The following RUNDC3B variants were observed in gnomAD, a reference collection of about 807,000 sequenced individuals.
RUNDC3B encodes the protein RUN domain-containing protein 3B.
Under a neutral mutation model 58.4 loss-of-function variants are expected in RUNDC3B, and 33 were observed. The observed-to-expected ratio is 0.56, with a 90% confidence interval of 0.43 to 0.75. The LOEUF (loss-of-function observed/expected upper bound fraction) is 0.75, where lower values mean the gene tolerates loss of function less well. RUNDC3B is among the 30% of genes least tolerant of loss of function. RUNDC3B has a pLI of 0.00. For missense variants in RUNDC3B, 501 were observed against 535.7 expected, an observed-to-expected ratio of 0.94 and a Z score of 0.64; for synonymous variants, 193 against 195.2, an observed-to-expected ratio of 0.99 and a Z score of 0.10.
chr7:87,777,654 AT>A, intron 7 of RUNDC3B, 143 bp from the exon 8 acceptor site: 2 of 592,400 alleles, frequency 3.4e-6, no homozygotes, highest in East Asian at 6.3e-5. Context: ...ATTAAGACAA[AT>A]TTTTTACTAA....
In RUNDC3B at chr7:87,745,569, A is replaced by T. The variant is rs1287090605; in HGVS notation, c.629+3990A>T. On this transcript the variant is annotated intron_variant, in intron 6 of 10. Transcript: ENST00000394654. ...GTTGTATTTTTCCATGAATTTATCCATCTCATCTAGGTTTTCTAGTTTATA... is the reference window on the plus strand; with the variant it reads ...GTTGTATTTTTCCATGAATTTATCCTTCTCATCTAGGTTTTCTAGTTTATA... Among the ~76,000 whole-genome samples the T allele has an allele frequency of 5.9e-5, 9 of 152,266 alleles. No individual in the cohort carries two copies. The South Asian group carries it at 1.9e-3, about 32-fold the overall frequency.
intron 6 of RUNDC3B, among the ~76,000 whole-genome samples, chr7:87,768,909 C>T (rs1201937103): frequency 1.3e-5 from 2 of 151,724 alleles, no homozygotes; most frequent in East Asian, 3.9e-4. Flanking sequence ...GTTGAATGAA[C>T]TCTTTTTTTT....
chr7:87,825,339 C>T (rs998797201), intron 10 of RUNDC3B, among the ~76,000 whole-genome samples: 2 of 152,176 alleles, frequency 1.3e-5, no homozygotes, highest in Non-Finnish European at 2.9e-5. Flanking sequence ...AATGTCTAAG[C>T]CCCAAGCCTT....
intron 9 of RUNDC3B, 61 bp downstream of exon 9, chr7:87,807,580 A>G (rs1408466814): frequency 4.9e-6 from 6 of 1,231,686 alleles, no homozygotes; most frequent in East Asian, 4.7e-5. Flanking sequence ...ACATATGGCT[A>G]TCTACTTTGG....
At chr7:87,731,221 T>A (rs1452034784) in intron 4 of RUNDC3B, among the ~76,000 whole-genome samples, 1 of 151,814 alleles carries the variant, frequency 6.6e-6, no homozygotes, top group Non-Finnish European at 1.5e-5. Flanking sequence ...GAAAATATGA[T>A]CTCACCGAAT....
rs370524690 is a variant in RUNDC3B at position 87,690,934 on chromosome 7, C to CAG, written c.239-9473_239-9472dup. Among the ~76,000 whole-genome samples, 19 of 150,138 alleles carry CAG rather than the reference C, an allele frequency of 1.3e-4. 1 individual carries two copies. The highest frequency in any genetic ancestry group is 4.4e-4 in the African/African-American group (18 of 41,004). ...ACTTTATTAGAAAAAAATATATATG[C>CAG]AGAGAGAGAGAGAGAAAATAGAATA... On this transcript the variant is annotated intron_variant, in intron 2 of 10. Coordinates refer to ENST00000394654, the MANE Select transcript of RUNDC3B (RefSeq NM_001134405.2).
At chr7:87,693,627 G>A (rs1179140926) in intron 2 of RUNDC3B, among the ~76,000 whole-genome samples, 1 of 151,980 alleles carries the variant, frequency 6.6e-6, no homozygotes, top group African/African-American at 2.4e-5. Context: ...GAATGATGGA[G>A]GTAAAAGTAA....
chr7:87,778,477 C>T (rs1281846883), intron 8 of RUNDC3B, among the ~76,000 whole-genome samples: 1 of 149,906 alleles, frequency 6.7e-6, no homozygotes, highest in Non-Finnish European at 1.5e-5. Context: ...TAAGAAAATA[C>T]AAGAAGAGAA....
intron 6 of RUNDC3B, among the ~76,000 whole-genome samples, chr7:87,767,392 T>C (rs1834029529): frequency 6.6e-6 from 1 of 152,238 alleles, no homozygotes. Flanking sequence ...GTATATTGTC[T>C]AAGATCATTT....
intron 2 of RUNDC3B, among the ~76,000 whole-genome samples, chr7:87,652,995 C>A (rs1290792788): frequency 1.3e-5 from 2 of 151,996 alleles, no homozygotes; most frequent in Non-Finnish European, 2.9e-5. Context: ...CTCCCCCAGA[C>A]ACAGTATAGG....
At chr7:87,759,162 T>G (rs1833540843) in intron 6 of RUNDC3B, among the ~76,000 whole-genome samples, 1 of 152,146 alleles carries the variant, frequency 6.6e-6, no homozygotes, top group African/African-American at 2.4e-5. Context: ...ACAAAAAGAA[T>G]GAAATCCTGT....
intron 4 of RUNDC3B, among the ~76,000 whole-genome samples, chr7:87,716,044 A>C (rs1830536795): frequency 6.6e-6 from 1 of 152,160 alleles, no homozygotes; most frequent in Admixed American, 6.6e-5. Flanking sequence ...TACTTGCTAG[A>C]AGTGCCAAAA....
chr7:87,684,707 C>T (rs1420347434), intron 2 of RUNDC3B, among the ~76,000 whole-genome samples: 3 of 137,416 alleles, frequency 2.2e-5, no homozygotes, highest in Non-Finnish European at 4.5e-5. Context: ...GAGATCGTGC[C>T]ACTGCACTCC....
At position 87,741,487 on chromosome 7, in the gene RUNDC3B, C is replaced by A. The variant is rs1469142198; in HGVS notation, c.549-12C>A. 2 of 1,397,684 alleles carry A rather than the reference C, an allele frequency of 1.4e-6. No individual in the cohort carries two copies. Among genetic ancestry groups the A allele is most frequent in the South Asian group, 1.4e-5 (1 of 71,522 alleles). 86.6% of individuals were successfully genotyped at this position (1,397,684 alleles called of 1,614,324 possible). A position where few individuals can be genotyped will look rare whatever the true frequency, so the allele number is the denominator to read the frequency against. On this transcript the variant is annotated splice_polypyrimidine_tract_variant and intron_variant, in intron 5 of 10. Transcript: ENST00000394654. ...TATATTAATAGGAAATATTTATTTT[C>A]TATTGTCTTAGTTTCTGCCTAAAGG...
chr7:87,701,154 C>A (rs974921810), intron 3 of RUNDC3B, among the ~76,000 whole-genome samples: 1 of 152,124 alleles, frequency 6.6e-6, no homozygotes, highest in African/African-American at 2.4e-5. Context: ...TTGTACAATT[C>A]TTTGAATTGT....
intron 3 of RUNDC3B, among the ~76,000 whole-genome samples, chr7:87,701,643 T>C (rs1346740390): frequency 6.6e-6 from 1 of 152,192 alleles, no homozygotes; most frequent in African/African-American, 2.4e-5. Flanking sequence ...AAACTTACCA[T>C]TTAGTGAGTT....
intron 2 of RUNDC3B, among the ~76,000 whole-genome samples, chr7:87,685,288 A>G (rs1827346257): frequency 6.6e-6 from 1 of 152,226 alleles, no homozygotes; most frequent in African/African-American, 2.4e-5. Flanking sequence ...AGCTGAACAG[A>G]TATTTCATCA....
intron 2 of RUNDC3B, chr7:87,693,950 C>T (rs776822862): frequency 6.2e-7 from 1 of 1,611,490 alleles, no homozygotes. Context: ...CTCCAAATAC[C>T]TCTTCAAGGT....
At chr7:87,819,592 C>T (rs896835153) in intron 10 of RUNDC3B, among the ~76,000 whole-genome samples, 17 of 152,250 alleles carry the variant, frequency 1.1e-4, no homozygotes, top group African/African-American at 3.9e-4. Flanking sequence ...ACATTCTTTT[C>T]AGCACCACAC....
Sources: allele counts gnomAD v4.1 joint callset (sites outside exome capture counted in the v4.1 genomes callset), GRCh38; gene constraint gnomAD v4.1.1; transcripts MANE v1.5; gene names NCBI Gene and HGNC (gene_info 2026-07-23, HGNC 2026-07-21).